Variants in CAMK1D observed in about 807,000 individuals in gnomAD.
CAMK1D encodes calcium/calmodulin dependent protein kinase ID.
A neutral mutation model predicts 47.7 loss-of-function variants in CAMK1D; 9 were observed. That is an observed-to-expected ratio of 0.19 (90% CI 0.11 to 0.33). The LOEUF is 0.33. Among genes scored for constraint, CAMK1D ranks in the 10% least tolerant of loss-of-function variants. The pLI is 1.00. For missense variants in CAMK1D, 291 were observed against 488.7 expected, an observed-to-expected ratio of 0.60 and a Z score of 3.81; for synonymous variants, 184 against 184.9, an observed-to-expected ratio of 0.99 and a Z score of 0.04.
chr10:12,682,946 T>G (rs1832503706), intron 3 of CAMK1D, among the ~76,000 whole-genome samples: 2 of 151,928 alleles, frequency 1.3e-5, no homozygotes, highest in African/African-American at 4.8e-5. Context: ...TTTTTGGAGA[T>G]GGAGTGTCTC....
intron 3 of CAMK1D, among the ~76,000 whole-genome samples, chr10:12,731,804 T>C (rs191378330): frequency 3.3e-5 from 5 of 152,078 alleles, no homozygotes; most frequent in Non-Finnish European, 7.4e-5. Flanking sequence ...GCTGGAAAGA[T>C]TGAAGGTGGA....
intron 3 of CAMK1D, among the ~76,000 whole-genome samples, chr10:12,739,194 G>A (rs747260084): frequency 1.3e-5 from 2 of 151,374 alleles, no homozygotes; most frequent in East Asian, 2.0e-4. Context: ...CCATGATTGC[G>A]CCCCTGCACT....
At chr10:12,395,244 A>AT (rs915054198) in intron 1 of CAMK1D, among the ~76,000 whole-genome samples, 26 of 149,924 alleles carry the variant, frequency 1.7e-4, no homozygotes, top group South Asian at 4.3e-4. Context: ...TTTTTAATTA[A>AT]TTTTTTTTTG....
At chr10:12,479,415 C>A (rs747270896) in intron 1 of CAMK1D, among the ~76,000 whole-genome samples, 1 of 152,128 alleles carries the variant, frequency 6.6e-6, no homozygotes, top group African/African-American at 2.4e-5. Context: ...AGGCTGGTCT[C>A]GAACTCCTGA....
chr10:12,411,092 C>A (rs372932263), intron 1 of CAMK1D, among the ~76,000 whole-genome samples: 34 of 152,298 alleles, frequency 2.2e-4, no homozygotes, highest in African/African-American at 7.7e-4. Context: ...TTCGAGCCCA[C>A]CCCATCGGCT....
chr10:12,568,076 C>CTG (rs1395078113), intron 2 of CAMK1D, among the ~76,000 whole-genome samples: 27 of 151,848 alleles, frequency 1.8e-4, no homozygotes, highest in East Asian at 1.4e-3. Context: ...TTAGGCCTGC[C>CTG]CGCCCTCCCA....
At chr10:12,453,264 A>G (rs1833143938) in intron 1 of CAMK1D, among the ~76,000 whole-genome samples, 2 of 148,768 alleles carry the variant, frequency 1.3e-5, no homozygotes, top group African/African-American at 5.0e-5. Flanking sequence ...GTCTTGGCTC[A>G]CTGCAAGCTC....
rs1026968903 is a variant in CAMK1D at position 12,724,727 on chromosome 10, A to G, written c.300-36221A>G. On this transcript the variant is annotated intron_variant, in intron 3 of 10. Coordinates refer to ENST00000619168, the MANE Select transcript of CAMK1D (RefSeq NM_153498.4). The stretch of plus-strand genomic sequence containing the variant: ...GGAAGGAGATGCTTCTGTGTGAATG[A>G]AATAAAGCCCAGCTCAGGGCAGCCT... Among the ~76,000 whole-genome samples, 33 of 152,158 alleles carry G rather than the reference A, an allele frequency of 2.2e-4. 1 individual carries two copies. Among genetic ancestry groups the G allele is most frequent in the African/African-American group, 8.0e-4 (33 of 41,436 alleles).
At position 12,410,146 on chromosome 10, in the gene CAMK1D, A is replaced by T. The variant is rs113441119; in HGVS notation, c.92+60236A>T. ...CTTTTTATTTTCTAAGCACTTCCCC[A>T]TAATTCTCATCCGATTAGTTTGCCT... On this transcript the variant is annotated intron_variant, in intron 1 of 10. Coordinates refer to ENST00000619168, the MANE Select transcript of CAMK1D (RefSeq NM_153498.4). Among the ~76,000 whole-genome samples the T allele has an allele frequency of 6.6e-5, 10 of 152,304 alleles. 1 individual carries two copies. The highest frequency in any genetic ancestry group is 5.9e-4 in the Admixed American group (9 of 15,302).
intron 2 of CAMK1D, among the ~76,000 whole-genome samples, chr10:12,591,669 C>T (rs2132363110): frequency 6.6e-6 from 1 of 152,330 alleles, no homozygotes. Flanking sequence ...ACGTAGGCAG[C>T]TCTAAATCTA....
At chr10:12,817,745 C>T (rs930252050) in intron 8 of CAMK1D, among the ~76,000 whole-genome samples, 2 of 152,136 alleles carry the variant, frequency 1.3e-5, no homozygotes, top group African/African-American at 4.8e-5. Flanking sequence ...GGCTGGAGTG[C>T]AGTGGGGCAG....
chr10:12,490,558 C>A (rs1246916341), intron 1 of CAMK1D, among the ~76,000 whole-genome samples: 1 of 152,156 alleles, frequency 6.6e-6, no homozygotes, highest in African/African-American at 2.4e-5. Context: ...AAAAGAAAAA[C>A]CACAAAGAGG....
intron 1 of CAMK1D, among the ~76,000 whole-genome samples, chr10:12,492,896 T>C (rs1187152677): frequency 6.6e-6 from 1 of 152,198 alleles, no homozygotes; most frequent in Non-Finnish European, 1.5e-5. Context: ...GGTATAGGAT[T>C]GTTCATCTTT....
chr10:12,507,023 A>G (rs547504120), intron 1 of CAMK1D, among the ~76,000 whole-genome samples: 2 of 152,356 alleles, frequency 1.3e-5, no homozygotes, highest in Admixed American at 6.5e-5. Context: ...AACTGCACCA[A>G]TTAATAGAGG....
intron 1 of CAMK1D, among the ~76,000 whole-genome samples, chr10:12,524,404 A>G (rs190464401): frequency 1.8e-4 from 28 of 152,338 alleles, no homozygotes; most frequent in African/African-American, 5.1e-4. Flanking sequence ...TATTACATCT[A>G]CATACATAAA....
chr10:12,616,513 TTG>T (rs1381121904), intron 2 of CAMK1D, among the ~76,000 whole-genome samples: 20 of 13,828 alleles, frequency 1.4e-3, no homozygotes, highest in South Asian at 0.02. Context: ...TTGTTTTTTG[TTG>T]TTGTTGTTGT....
rs1252530894 is a variant in CAMK1D, at chr10:12,387,203, C to CA, written c.92+37308dup. ...TGGGCGTCCAAGAGAGACTCCATCT[C>CA]AAAAAAAAAAAAAAAGTTACCGTTA... is the stretch of plus-strand genomic sequence containing the variant. On this transcript the variant is annotated intron_variant, in intron 1 of 10. Transcript: ENST00000619168. Among the ~76,000 whole-genome samples the CA allele has an allele frequency of 5.0e-3, 513 of 101,852 alleles. 3 individuals carry two copies. The highest frequency in any genetic ancestry group is 0.014 in the African/African-American group (365 of 26,742). The allele number at this position is 101,852 out of a possible 152,430, so 66.8% of individuals were successfully genotyped here.
At chr10:12,701,476 TGGGGATGGG>T (rs1282681690) in intron 3 of CAMK1D, among the ~76,000 whole-genome samples, 1 of 152,232 alleles carries the variant, frequency 6.6e-6, no homozygotes, top group Non-Finnish European at 1.5e-5. Context: ...TGGGCTGGCC[TGGGGATGGG>T]GAGGACGAAG....
chr10:12,695,084 A>T (rs12416570), intron 3 of CAMK1D, among the ~76,000 whole-genome samples: 1 of 128,870 alleles, frequency 7.8e-6, no homozygotes, highest in African/African-American at 2.8e-5. Context: ...AGATACATAG[A>T]TACATAGATA....
Sources: gnomAD v4.1 joint callset for allele counts (sites outside exome capture counted in the v4.1 genomes callset) on GRCh38, gnomAD v4.1.1 for gene constraint, MANE v1.5 for transcripts, NCBI Gene and HGNC (gene_info 2026-07-23, HGNC 2026-07-21) for gene names.